Variants in STK4 observed in about 807,000 individuals in gnomAD.
The protein encoded by STK4 is serine/threonine-protein kinase 4.
Under a neutral mutation model 64.9 loss-of-function variants are expected in STK4, and 30 were observed. The observed-to-expected ratio is 0.46, with a 90% confidence interval of 0.35 to 0.63. STK4 has a LOEUF of 0.63. STK4 is among the 20% of genes least tolerant of loss of function. The probability of loss-of-function intolerance (pLI) is 0.01; values close to 1 mark genes in which losing one functional copy is unlikely to be tolerated. For synonymous variants in STK4, 177 were observed against 199.0 expected, an observed-to-expected ratio of 0.89 and a Z score of 0.93; for missense variants, 466 against 598.5, an observed-to-expected ratio of 0.78 and a Z score of 2.31.
chr20:45,066,508 C>T (rs913022998), intron 10 of STK4, among the ~76,000 whole-genome samples: 3 of 152,132 alleles, frequency 2.0e-5, no homozygotes, highest in African/African-American at 7.2e-5. Context: ...CTAAGAGATC[C>T]GTGTCAGAGG....
rs2068322436 is a variant in STK4 at position 45,025,127 on chromosome 20, G to A, written c.1302G>A (p.Glu434=). The change falls in exon 10 of 11, where the codon GAG becomes GAA. Residue 434 remains glutamate (E), a synonymous_variant. Transcript: ENST00000372806. ...AAATACCACAGGATGGAGACTACGA[G>A]TTTGTAAGTAGTGTTGGAAGTAAAT... ...DWKIPQDGDY[E]FLKSWTVEDL... 1.2e-6 allele frequency: 2 copies of A among 1,607,852 alleles called. No homozygotes were observed. The highest frequency in any genetic ancestry group is 1.3e-5 in the African/African-American group (1 of 74,606).
intron 4 of STK4, 129 bp from the exon 5 acceptor site, chr20:44,987,003 A>C: frequency 1.5e-6 from 1 of 681,656 alleles, no homozygotes; most frequent in African/African-American, 1.9e-5. Context: ...TGGTATAAGC[A>C]GTCAAATGCT....
chr20:45,063,409 T>C (rs1979271405), intron 10 of STK4, among the ~76,000 whole-genome samples: 1 of 152,242 alleles, frequency 6.6e-6, no homozygotes, highest in South Asian at 2.1e-4. Context: ...TGTCTGTTCA[T>C]GTCCTCTGCC....
intron 10 of STK4, among the ~76,000 whole-genome samples, chr20:45,064,816 T>G (rs1979425188): frequency 6.6e-6 from 1 of 152,250 alleles, no homozygotes; most frequent in Admixed American, 6.5e-5. Context: ...ACTGAAACTT[T>G]GCTGAAGTGG....
At chr20:45,019,375 A>G (rs2068202554) in intron 9 of STK4, among the ~76,000 whole-genome samples, 1 of 152,112 alleles carries the variant, frequency 6.6e-6, no homozygotes, top group South Asian at 2.1e-4. Context: ...ATGTATCACT[A>G]TTTCTTTTTG....
intron 10 of STK4, among the ~76,000 whole-genome samples, chr20:45,032,224 G>A (rs1278440569): frequency 1.3e-5 from 2 of 152,004 alleles, no homozygotes; most frequent in Non-Finnish European, 2.9e-5. Context: ...TAATATATAT[G>A]AAACTTTAAA....
intron 9 of STK4, 85 bp from the exon 10 acceptor site, chr20:45,024,888 A>G (rs979343194): frequency 9.3e-5 from 121 of 1,302,008 alleles, no homozygotes; most frequent in Admixed American, 1.9e-4. Flanking sequence ...CAGAGATTGT[A>G]GCCCATCTGG....
chr20:44,968,076 G>T (rs139224437), intron 1 of STK4, among the ~76,000 whole-genome samples: 5 of 152,190 alleles, frequency 3.3e-5, no homozygotes, highest in African/African-American at 1.2e-4. Context: ...GCTGGGAGAA[G>T]TCATAGCAAG....
intron 10 of STK4, chr20:45,052,968 G>C: frequency 1.4e-6 from 1 of 716,062 alleles, no homozygotes; most frequent in East Asian, 2.6e-5. Context: ...TTCTTGACAG[G>C]GTACACTATT....
At chr20:45,061,872 CTTTT>C (rs71197598) in intron 10 of STK4, among the ~76,000 whole-genome samples, 1 of 115,074 alleles carries the variant, frequency 8.7e-6, no homozygotes, top group African/African-American at 3.3e-5. Context: ...TCTTCTTCTT[CTTTT>C]TTTTTTTTTT....
chr20:45,042,529 C>T (rs527815599), intron 10 of STK4, among the ~76,000 whole-genome samples: 1 of 152,284 alleles, frequency 6.6e-6, no homozygotes, highest in East Asian at 1.9e-4. Flanking sequence ...CCACTTTTAC[C>T]TAATACAAAT....
intron 9 of STK4, among the ~76,000 whole-genome samples, chr20:45,016,811 G>A (rs1348623251): frequency 6.6e-6 from 1 of 152,224 alleles, no homozygotes; most frequent in Non-Finnish European, 1.5e-5. Context: ...GAGGGCAGTA[G>A]CATAATGGTA....
intron 10 of STK4, among the ~76,000 whole-genome samples, chr20:45,057,414 G>T (rs1460306159): frequency 6.6e-6 from 1 of 152,192 alleles, no homozygotes; most frequent in African/African-American, 2.4e-5. Context: ...CTATATGCTT[G>T]TGTTATTAAC....
chr20:44,996,587 A>T (rs546280882), intron 6 of STK4, among the ~76,000 whole-genome samples: 4 of 152,226 alleles, frequency 2.6e-5, no homozygotes, highest in Non-Finnish European at 2.9e-5. Context: ...TGGCTTTTTT[A>T]AAATTGGAAA....
Position 44,977,298 on chromosome 20 carries a change from T to C in STK4, c.117-1145T>C, listed in dbSNP as rs1213474274. 2.0e-5 allele frequency among the ~76,000 whole-genome samples: 3 copies of C among 152,262 alleles called. No individual in the cohort carries two copies. The East Asian group carries it at 5.8e-4, about 29-fold the overall frequency. On this transcript the variant is annotated intron_variant, in intron 2 of 10. Transcript: ENST00000372806. ...TGCATAGACTTAAAAAGTTTTATGTTACTTTCACATTGAAACAGTTCATGA... is the reference window on the plus strand; with the variant it reads ...TGCATAGACTTAAAAAGTTTTATGTCACTTTCACATTGAAACAGTTCATGA...
chr20:45,050,621 T>G (rs1202214458), intron 10 of STK4, among the ~76,000 whole-genome samples: 2 of 152,172 alleles, frequency 1.3e-5, no homozygotes, highest in Non-Finnish European at 2.9e-5. Flanking sequence ...TCTTATTTTC[T>G]TTATTGATTT....
At chr20:44,988,673 T>A (rs773529491) in intron 5 of STK4, among the ~76,000 whole-genome samples, 2 of 151,226 alleles carry the variant, frequency 1.3e-5, no homozygotes, top group Non-Finnish European at 2.9e-5. Flanking sequence ...TTTCTCCCCT[T>A]TTAATATGTA....
chr20:45,067,269 A>G (rs1019001520), intron 10 of STK4, among the ~76,000 whole-genome samples: 2 of 152,130 alleles, frequency 1.3e-5, no homozygotes, highest in African/African-American at 4.8e-5. Context: ...CTTGGTCACA[A>G]CAAAACATCA....
intron 7 of STK4, among the ~76,000 whole-genome samples, chr20:44,999,650 A>G (rs1399678789): frequency 3.9e-5 from 6 of 152,254 alleles, no homozygotes; most frequent in Non-Finnish European, 5.9e-5. Flanking sequence ...AAATTCAGCA[A>G]TACCCCTTTG....
Sources: allele counts gnomAD v4.1 joint callset (sites outside exome capture counted in the v4.1 genomes callset), GRCh38; gene constraint gnomAD v4.1.1; transcripts MANE v1.5; gene names NCBI Gene and HGNC (gene_info 2026-07-23, HGNC 2026-07-21).